LPP: variants seen among roughly 807,000 people sequenced by gnomAD.
The protein encoded by LPP is LIM domain containing preferred translocation partner in lipoma.
LPP carries 38 observed loss-of-function variants against 60.4 expected under a neutral mutation model. That is an observed-to-expected ratio of 0.63 (90% CI 0.49 to 0.83). The LOEUF is 0.83. LPP is among the 40% of genes least tolerant of loss of function. The probability of loss-of-function intolerance (pLI) is 0.00; values close to 1 mark genes in which losing one functional copy is unlikely to be tolerated. For synonymous variants in LPP, 328 were observed against 290.8 expected (o/e 1.13, Z -1.30); for missense variants, 902 against 783.6 (o/e 1.15, Z -1.80).
At chr3:188,837,546 G>T (rs1281761915) in intron 9 of LPP, among the ~76,000 whole-genome samples, 2 of 151,972 alleles carry the variant, frequency 1.3e-5, no homozygotes, top group African/African-American at 4.8e-5. Context: ...GAGAACAATA[G>T]TCACCCTCAT....
intron 4 of LPP, among the ~76,000 whole-genome samples, chr3:188,474,561 G>A (rs1802701717): frequency 6.6e-6 from 1 of 152,198 alleles, no homozygotes; most frequent in African/African-American, 2.4e-5. Flanking sequence ...TGGCCTTAAT[G>A]ACCACCACAG....
intron 4 of LPP, among the ~76,000 whole-genome samples, chr3:188,481,792 C>G (rs1271681628): frequency 6.6e-6 from 1 of 152,130 alleles, no homozygotes; most frequent in East Asian, 1.9e-4. Flanking sequence ...AATATGATCT[C>G]CAAGATTTTG....
intron 8 of LPP, among the ~76,000 whole-genome samples, chr3:188,749,647 A>C (rs1160349665): frequency 6.6e-6 from 1 of 152,126 alleles, no homozygotes; most frequent in Non-Finnish European, 1.5e-5. Context: ...CCTACTTCTC[A>C]AGTCATGTAC....
intron 8 of LPP, among the ~76,000 whole-genome samples, chr3:188,719,951 C>T (rs894662344): frequency 6.6e-6 from 1 of 152,180 alleles, no homozygotes. Context: ...CTTGCTCCGT[C>T]GCCCAGGTTG....
intron 6 of LPP, among the ~76,000 whole-genome samples, chr3:188,581,723 T>C (rs2150988647): frequency 6.6e-6 from 1 of 152,240 alleles, no homozygotes; most frequent in African/African-American, 2.4e-5. Flanking sequence ...CTTCGCTCTA[T>C]TTTACCTCCT....
chr3:188,415,172 C>T (rs371886101), intron 4 of LPP, among the ~76,000 whole-genome samples: 8 of 151,912 alleles, frequency 5.3e-5, no homozygotes, highest in African/African-American at 1.7e-4. Context: ...ATTGTCCCTC[C>T]GTATTTTACA....
At chr3:188,702,341 T>TTC (rs1426659976) in intron 7 of LPP, among the ~76,000 whole-genome samples, 3 of 113,068 alleles carry the variant, frequency 2.7e-5, no homozygotes, top group South Asian at 5.6e-4. Context: ...CTTCTTCTTC[T>TTC]TTTTTTTTTT....
In LPP at chr3:188,204,080, A is replaced by C. The variant is rs73887381; in HGVS notation, c.-189-21325A>C. On this transcript the variant is annotated intron_variant, in intron 1 of 11. Transcript: ENST00000617246. ...TGAAGACACTACTGACCATACCCCA[A>C]TCAGAAAACACTCCCAAGGGGCTCA... 5.4e-3 allele frequency among the ~76,000 whole-genome samples: 829 copies of C among 152,264 alleles called. 3 individuals are homozygous for C. The highest frequency in any genetic ancestry group is 0.019 in the African/African-American group (795 of 41,552).
In LPP at chr3:188,634,556, C is replaced by A. The variant is rs535486912; in HGVS notation, c.1113+24712C>A. Among the ~76,000 whole-genome samples the A allele has an allele frequency of 3.9e-5, 6 of 152,348 alleles. No homozygotes were observed. In the South Asian group the frequency reaches 1.2e-3, roughly 32 times the overall value. The stretch of plus-strand genomic sequence containing the variant: ...GGCGAAGCTTCATCTGTATTTACAG[C>A]CACTCCCCATTACTCACATTACTGC... On this transcript the variant is annotated intron_variant, in intron 7 of 11. Coordinates refer to ENST00000617246, the MANE Select transcript of LPP (RefSeq NM_001375462.1).
intron 1 of LPP, among the ~76,000 whole-genome samples, chr3:188,174,453 G>A (rs998974719): frequency 2.0e-5 from 3 of 152,230 alleles, no homozygotes; most frequent in African/African-American, 7.2e-5. Context: ...ATTGATACCC[G>A]AGGAACGCAC....
chr3:188,331,054 G>A (rs4686952), intron 2 of LPP, among the ~76,000 whole-genome samples: 65,660 of 151,592 alleles, frequency 0.43, 15,952 homozygotes, highest in East Asian at 0.71. Context: ...TATTAGGCTC[G>A]CAAATTGCAT....
intron 9 of LPP, among the ~76,000 whole-genome samples, chr3:188,843,778 C>A (rs975534228): frequency 2.9e-5 from 1 of 34,232 alleles, no homozygotes; most frequent in African/African-American, 9.3e-5. Flanking sequence ...CAGAGCAAGA[C>A]TCCGTCTCAA....
At chr3:188,759,846 C>G (rs1030053092) in intron 8 of LPP, among the ~76,000 whole-genome samples, 1 of 152,194 alleles carries the variant, frequency 6.6e-6, no homozygotes, top group Non-Finnish European at 1.5e-5. Context: ...CCGGGTTCTA[C>G]TGTTCCTTTC....
intron 2 of LPP, among the ~76,000 whole-genome samples, chr3:188,268,017 ATTTTTTTTT>A (rs5855185): frequency 2.9e-5 from 3 of 102,340 alleles, no homozygotes; most frequent in South Asian, 3.7e-4. Flanking sequence ...ATTTTTAAGG[ATTTTTTTTT>A]TTTTTTTTTT....
intron 6 of LPP, among the ~76,000 whole-genome samples, chr3:188,537,005 T>C (rs1188803997): frequency 2.0e-5 from 3 of 152,244 alleles, no homozygotes; most frequent in Admixed American, 1.3e-4. Flanking sequence ...TTATGTTAAC[T>C]TGATGCTTAC....
intron 4 of LPP, among the ~76,000 whole-genome samples, chr3:188,480,165 A>G (rs1180489014): frequency 3.9e-5 from 6 of 152,330 alleles, no homozygotes; most frequent in Non-Finnish European, 1.5e-5. Flanking sequence ...GGTCCTCCGG[A>G]GTCTTTCCTC....
intron 6 of LPP, among the ~76,000 whole-genome samples, chr3:188,590,610 C>A (rs1838486306): frequency 6.6e-6 from 1 of 152,132 alleles, no homozygotes; most frequent in Non-Finnish European, 1.5e-5. Flanking sequence ...AGAAGTATTT[C>A]ACTTCACCCT....
At position 188,245,347 on chromosome 3, in the gene LPP, G is replaced by C. The variant is rs4321524; in HGVS notation, c.-67+19820G>C. ...ATGCTGGTCTCGAACTTCTGACCTC[G>C]TGATCTGCCTGCCTCGGCCTCCCAA... On this transcript the variant is annotated intron_variant, in intron 2 of 11. Transcript: ENST00000617246. Among the ~76,000 whole-genome samples the C allele has an allele frequency of 3.3e-5, 5 of 152,234 alleles. No individual in the cohort carries two copies. The South Asian group carries it at 6.2e-4, about 19-fold the overall frequency.
chr3:188,634,685 A>G (rs927214188), intron 7 of LPP, among the ~76,000 whole-genome samples: 3 of 152,148 alleles, frequency 2.0e-5, no homozygotes, highest in African/African-American at 7.2e-5. Context: ...CGTGCTCCTT[A>G]TGAGAATCTA....
Sources: allele counts gnomAD v4.1 joint callset (sites outside exome capture counted in the v4.1 genomes callset), GRCh38; gene constraint gnomAD v4.1.1; transcripts MANE v1.5; gene names NCBI Gene and HGNC (gene_info 2026-07-23, HGNC 2026-07-21).